Variants in FAM13A observed in about 807,000 individuals in gnomAD.
The protein encoded by FAM13A is protein FAM13A.
Under a neutral mutation model 129.6 loss-of-function variants are expected in FAM13A, and 76 were observed. The ratio of observed to expected loss-of-function variants is 0.59; its 90% CI spans 0.49 to 0.71. The LOEUF is 0.71. FAM13A is among the 30% of genes least tolerant of loss of function. FAM13A has a pLI of 0.00. For synonymous variants in FAM13A, 443 were observed against 449.9 expected, an observed-to-expected ratio of 0.98 and a Z score of 0.20; for missense variants, 1,108 against 1,249.3, an observed-to-expected ratio of 0.89 and a Z score of 1.70.
intron 7 of FAM13A, among the ~76,000 whole-genome samples, chr4:88,824,192 AT>A (rs1324169349): frequency 6.8e-6 from 1 of 146,384 alleles, no homozygotes; most frequent in African/African-American, 2.8e-5. Context: ...TTTACATGAT[AT>A]TTTTTTCACA....
intron 1 of FAM13A, among the ~76,000 whole-genome samples, chr4:89,047,891 C>A (rs1771073261): frequency 1.3e-5 from 2 of 152,092 alleles, no homozygotes; most frequent in South Asian, 4.1e-4. Context: ...GGCTAATATG[C>A]ATATGAAAAT....
At position 88,726,209 on chromosome 4, in the gene FAM13A, A is replaced by G. The variant is rs576715751; in HGVS notation, c.*2324T>C. 6.6e-6 allele frequency: 1 copy of G among 152,078 alleles called. No homozygotes were observed. The highest frequency in any genetic ancestry group is 1.5e-5 in the Non-Finnish European group (1 of 67,976). 9.4% of individuals were successfully genotyped at this position (152,078 alleles called of 1,614,324 possible). A position where few individuals can be genotyped will look rare whatever the true frequency, so the allele number is the denominator to read the frequency against. ...CCCTCGGCAGAGCCAGAAACCACTGACTGACTGACTAACAAACATTTCTTC... is the reference window on the plus strand; with the variant it reads ...CCCTCGGCAGAGCCAGAAACCACTGGCTGACTGACTAACAAACATTTCTTC... On this transcript the variant is annotated 3_prime_UTR_variant, in exon 24 of 24. Transcript: ENST00000264344.
rs1273317596 is a variant in FAM13A at position 88,787,687 on chromosome 4, AT to A, written c.1271+65del. The A allele has an allele frequency of 2.7e-6, 4 of 1,485,260 alleles. No homozygotes were observed. The East Asian group carries it at 9.1e-5, about 34-fold the overall frequency. 92.0% of individuals were successfully genotyped at this position (1,485,260 alleles called of 1,614,324 possible). On this transcript the variant is annotated intron_variant, in intron 10 of 23. Transcript: ENST00000264344. ...AGGTATGACTATAACACAGCGACTA[AT>A]TTGGGTGTATATTTCTTTTAAAAAG... is the stretch of plus-strand genomic sequence containing the variant.
intron 14 of FAM13A, among the ~76,000 whole-genome samples, chr4:88,753,151 GT>G (rs1343344682): frequency 1.3e-5 from 2 of 152,190 alleles, no homozygotes; most frequent in Admixed American, 6.5e-5. Flanking sequence ...CCTTAAAAAT[GT>G]TATAACTCAT....
intron 8 of FAM13A, among the ~76,000 whole-genome samples, chr4:88,796,595 GAATTTA>G (rs1726232409): frequency 6.6e-6 from 1 of 151,798 alleles, no homozygotes; most frequent in Non-Finnish European, 1.5e-5. Flanking sequence ...GATAATGTAA[GAATTTA>G]AATTTATATG....
chr4:88,731,329 TC>T lies in FAM13A; in HGVS notation c.2942del (p.Gly981GlufsTer22). The T allele has an allele frequency of 2.5e-6, 4 of 1,588,432 alleles. No homozygotes were observed. Among genetic ancestry groups the T allele is most frequent in the Non-Finnish European group, 3.4e-6 (4 of 1,161,632 alleles). On this transcript the variant is annotated frameshift_variant, in exon 23 of 24. Coordinates refer to ENST00000264344, the MANE Select transcript of FAM13A (RefSeq NM_014883.4). LOFTEE classifies it high-confidence loss of function. ...GGGTGGGGGAAGACAGGCACTACCT[TC>T]CATTCTGTCTGAAAAAGTTGTCTTC... The part of the protein sequence containing the change: ...DFEDNFFRQN[G>X]RNVQKEDRTP...
At chr4:88,802,338 T>C (rs560904087) in intron 8 of FAM13A, among the ~76,000 whole-genome samples, 1 of 152,338 alleles carries the variant, frequency 6.6e-6, no homozygotes, top group Admixed American at 6.5e-5. Context: ...ATTAACTTGC[T>C]ACATGGAATG....
At chr4:89,003,778 A>G (rs1764614120) in intron 3 of FAM13A, among the ~76,000 whole-genome samples, 1 of 152,232 alleles carries the variant, frequency 6.6e-6, no homozygotes, top group Admixed American at 6.5e-5. Flanking sequence ...ATATTCGAAG[A>G]AATTGTTTGG....
At chr4:88,823,659 A>G (rs1379864750) in intron 7 of FAM13A, among the ~76,000 whole-genome samples, 1 of 152,236 alleles carries the variant, frequency 6.6e-6, no homozygotes, top group African/African-American at 2.4e-5. Flanking sequence ...TTAAAACAAA[A>G]CAAAACGAAA....
intron 7 of FAM13A, among the ~76,000 whole-genome samples, chr4:88,833,784 G>C (rs1317830869): frequency 5.3e-5 from 8 of 152,086 alleles, no homozygotes; most frequent in Non-Finnish European, 1.0e-4. Context: ...TACTCGGAAG[G>C]CTGAGGGAGG....
chr4:88,883,005 A>T lies in FAM13A; in HGVS notation c.843+23374T>A, dbSNP rs552570061. ...ATGTATCTACCACTGGAGCTCCCAA[A>T]TTTATAAAATAATTACTACTACACC... On this transcript the variant is annotated intron_variant, in intron 6 of 23. Coordinates refer to ENST00000264344, the MANE Select transcript of FAM13A (RefSeq NM_014883.4). 7.9e-5 allele frequency among the ~76,000 whole-genome samples: 12 copies of T among 152,242 alleles called. No individual in the cohort carries two copies. In the East Asian group the frequency reaches 2.3e-3, roughly 29 times the overall value.
intron 4 of FAM13A, among the ~76,000 whole-genome samples, chr4:88,971,270 T>TA (rs1760051521): frequency 6.6e-6 from 1 of 152,158 alleles, no homozygotes; most frequent in South Asian, 2.1e-4. Flanking sequence ...ATTTAGTTAA[T>TA]AGAAGGCTAC....
chr4:88,762,779 C>T (rs1745048226), intron 13 of FAM13A, among the ~76,000 whole-genome samples: 1 of 151,942 alleles, frequency 6.6e-6, no homozygotes, highest in South Asian at 2.1e-4. Flanking sequence ...TCTGTTTCTC[C>T]TACTAGATCA....
At chr4:88,971,284 G>A (rs1011902221) in intron 4 of FAM13A, among the ~76,000 whole-genome samples, 3 of 152,180 alleles carry the variant, frequency 2.0e-5, no homozygotes, top group African/African-American at 7.2e-5. Context: ...AGGCTACCTT[G>A]TATTAGGGCT....
At chr4:88,984,978 A>G (rs760327266) in intron 4 of FAM13A, among the ~76,000 whole-genome samples, 1 of 152,214 alleles carries the variant, frequency 6.6e-6, no homozygotes, top group Non-Finnish European at 1.5e-5. Context: ...TACACATGAC[A>G]TGTACACAAA....
intron 7 of FAM13A, among the ~76,000 whole-genome samples, chr4:88,812,997 C>G (rs966134168): frequency 6.6e-6 from 1 of 152,154 alleles, no homozygotes; most frequent in Non-Finnish European, 1.5e-5. Context: ...GAATCTTCAG[C>G]TGTGCCATGG....
chr4:88,921,866 C>A (rs1454479844), intron 5 of FAM13A, among the ~76,000 whole-genome samples: 2 of 151,796 alleles, frequency 1.3e-5, no homozygotes, highest in Non-Finnish European at 2.9e-5. Flanking sequence ...ATCTATCAAG[C>A]AAATGGAAAA....
At chr4:88,769,841 C>T (rs6844399) in intron 11 of FAM13A, among the ~76,000 whole-genome samples, 1,850 of 151,160 alleles carry the variant, frequency 0.012, 41 homozygotes, top group African/African-American at 0.042. Context: ...AAAAAAAAAC[C>T]AAAAAACAAA....
chr4:88,944,405 T>C (rs978622174), intron 4 of FAM13A, among the ~76,000 whole-genome samples: 16 of 152,336 alleles, frequency 1.1e-4, no homozygotes, highest in Admixed American at 2.0e-4. Context: ...ACTGGAAACA[T>C]TGGTTCTATT....
Sources: gnomAD v4.1 joint callset for allele counts (sites outside exome capture counted in the v4.1 genomes callset) on GRCh38, gnomAD v4.1.1 for gene constraint, MANE v1.5 for transcripts, NCBI Gene and HGNC (gene_info 2026-07-23, HGNC 2026-07-21) for gene names.